The following LRRC1 variants were observed in gnomAD, a reference collection of about 807,000 sequenced individuals.
LRRC1 encodes the protein leucine rich repeat containing 1, also known as leucine-rich repeat-containing protein 1.
Under a neutral mutation model 69.9 loss-of-function variants are expected in LRRC1, and 28 were observed. That is an observed-to-expected ratio of 0.40 (90% CI 0.30 to 0.55). LRRC1 has a LOEUF of 0.55. Ranked by LOEUF, LRRC1 falls within the 20% of genes least tolerant of loss-of-function variation. The pLI, the probability that LRRC1 is intolerant of heterozygous loss-of-function variation, is 0.47. For synonymous variants in LRRC1, 236 were observed against 240.2 expected (o/e 0.98, Z 0.16); for missense variants, 498 against 609.0 (o/e 0.82, Z 1.92).
intron 4 of LRRC1, among the ~76,000 whole-genome samples, chr6:53,894,356 C>G (rs887191486): frequency 3.3e-5 from 5 of 152,154 alleles, no homozygotes; most frequent in African/African-American, 9.7e-5. Context: ...TGGCTCTGGT[C>G]TATGTTTCAG....
chr6:53,850,251 CA>C (rs1453451068), intron 2 of LRRC1, among the ~76,000 whole-genome samples: 1 of 152,030 alleles, frequency 6.6e-6, no homozygotes, highest in African/African-American at 2.4e-5. Flanking sequence ...TAACTAGGAT[CA>C]GTAGCAACTG....
intron 2 of LRRC1, among the ~76,000 whole-genome samples, chr6:53,871,352 C>T (rs939104159): frequency 5.3e-5 from 8 of 152,100 alleles, no homozygotes; most frequent in African/African-American, 9.7e-5. Flanking sequence ...GATGATATCT[C>T]ATTGTGGTTT....
intron 4 of LRRC1, among the ~76,000 whole-genome samples, chr6:53,886,295 A>G (rs372430741): frequency 7.6e-4 from 116 of 152,202 alleles, no homozygotes; most frequent in African/African-American, 2.7e-3. Context: ...AAAAACATCA[A>G]ACTTCCAAGC....
intron 1 of LRRC1, among the ~76,000 whole-genome samples, chr6:53,822,781 G>A (rs999149149): frequency 6.6e-6 from 1 of 152,122 alleles, no homozygotes; most frequent in Non-Finnish European, 1.5e-5. Context: ...ATAATGTGGG[G>A]GAAGAACAGC....
chr6:53,838,417 G>A (rs1017270044), intron 1 of LRRC1, among the ~76,000 whole-genome samples: 7 of 152,186 alleles, frequency 4.6e-5, no homozygotes, highest in Admixed American at 2.6e-4. Flanking sequence ...GTAGGTTATC[G>A]TTTCCACAGA....
intron 2 of LRRC1, among the ~76,000 whole-genome samples, chr6:53,852,604 G>A (rs1766174608): frequency 6.6e-6 from 1 of 152,210 alleles, no homozygotes; most frequent in Non-Finnish European, 1.5e-5. Context: ...CTCCTAGTTA[G>A]TGATGGACCT....
intron 3 of LRRC1, among the ~76,000 whole-genome samples, chr6:53,879,665 C>G (rs1385064181): frequency 6.6e-6 from 1 of 152,120 alleles, no homozygotes; most frequent in Non-Finnish European, 1.5e-5. Context: ...CCCATATCAA[C>G]ATCACTATTT....
At chr6:53,920,800 A>G (rs755748906) in intron 13 of LRRC1, 39 bp downstream of exon 13, 1 of 1,609,872 alleles carries the variant, frequency 6.2e-7, no homozygotes, top group East Asian at 2.2e-5. Context: ...TGGAAGTTCA[A>G]AATTAAAAGA....
rs532887971 is a variant in LRRC1, at chr6:53,867,155, C to T, written c.278-11838C>T. On this transcript the variant is annotated intron_variant, in intron 2 of 13. Coordinates refer to ENST00000370888, the MANE Select transcript of LRRC1 (RefSeq NM_018214.5). ...CATTGGGTGCCTCAGTTTGCTGATT[C>T]GGAGAATGGAGATGATAGTAATAGT... Among the ~76,000 whole-genome samples the T allele has an allele frequency of 3.3e-4, 50 of 152,028 alleles. 1 individual carries two copies. Among genetic ancestry groups the T allele is most frequent in the Admixed American group, 2.2e-3 (34 of 15,284 alleles).
chr6:53,817,993 A>C (rs1310052476), intron 1 of LRRC1, among the ~76,000 whole-genome samples: 1 of 152,228 alleles, frequency 6.6e-6, no homozygotes, highest in African/African-American at 2.4e-5. Flanking sequence ...TATGTTTTGC[A>C]TGTGTAATGT....
intron 2 of LRRC1, among the ~76,000 whole-genome samples, chr6:53,872,173 C>T (rs1032052428): frequency 5.9e-5 from 9 of 152,036 alleles, no homozygotes; most frequent in Admixed American, 3.3e-4. Flanking sequence ...TGTGGATATC[C>T]GGTTTTTCCA....
intron 3 of LRRC1, among the ~76,000 whole-genome samples, chr6:53,882,341 C>G (rs1164470197): frequency 6.6e-6 from 1 of 152,060 alleles, no homozygotes; most frequent in African/African-American, 2.4e-5. Context: ...GAGTGAGACT[C>G]CATCTCAAAA....
chr6:53,872,752 C>CTTTT (rs537186693), intron 2 of LRRC1, among the ~76,000 whole-genome samples: 25 of 106,362 alleles, frequency 2.4e-4, no homozygotes, highest in African/African-American at 5.1e-4. Context: ...TTTCTTTTCT[C>CTTTT]TTTTTTTTTT....
rs375014557 is a variant in LRRC1, at chr6:53,919,690, A to G, written c.1279+20A>G. ...GTCAAGGTGAATTTAATTTAAGGAC[A>G]GTATTCACAGGGCCACGAGATTGAG... On this transcript the variant is annotated intron_variant, in intron 12 of 13. Transcript: ENST00000370888. The G allele has an allele frequency of 2.1e-5, 34 of 1,607,480 alleles. No individual in the cohort carries two copies. The highest frequency in any genetic ancestry group is 2.5e-6 in the Non-Finnish European group (3 of 1,176,500).
intron 2 of LRRC1, among the ~76,000 whole-genome samples, chr6:53,851,691 A>T (rs1210244985): frequency 6.6e-6 from 1 of 152,144 alleles, no homozygotes. Flanking sequence ...ACACCTAGTA[A>T]ACATAGATAC....
At chr6:53,854,149 C>T (rs1766236147) in intron 2 of LRRC1, among the ~76,000 whole-genome samples, 1 of 152,194 alleles carries the variant, frequency 6.6e-6, no homozygotes, top group South Asian at 2.1e-4. Context: ...TGGTAGTGTA[C>T]TACACGAGGC....
intron 1 of LRRC1, among the ~76,000 whole-genome samples, chr6:53,820,189 A>T (rs1417346566): frequency 2.0e-5 from 3 of 151,964 alleles, no homozygotes; most frequent in Non-Finnish European, 4.4e-5. Flanking sequence ...AGTTTCAGGA[A>T]CCCTGAAAAT....
In LRRC1 at chr6:53,922,768, T is replaced by C. The variant is rs1768777199; in HGVS notation, c.1550T>C (p.Ile517Thr). The C allele has an allele frequency of 6.2e-7, 1 of 1,614,044 alleles. No homozygotes were observed. Among genetic ancestry groups the C allele is most frequent in the Non-Finnish European group, 8.5e-7 (1 of 1,179,930 alleles). ...AACAAAAACGAGGTCAATCATGCCATTGACCGAGTGACCACTTCTGTGTAG... is the reference window on the plus strand; with the variant it reads ...AACAAAAACGAGGTCAATCATGCCACTGACCGAGTGACCACTTCTGTGTAG... ...DSNKNEVNHAIDRVTTSV is the reference protein window; with the variant it reads ...DSNKNEVNHATDRVTTSV The change falls in exon 14 of 14, where the codon ATT (isoleucine) becomes ACT (threonine). Residue 517 changes from isoleucine (I) to threonine (T), a missense_variant. Ile to Thr is a moderately conservative substitution (Grantham distance 89, BLOSUM62 -1). Transcript: ENST00000370888.
chr6:53,905,356 TGAAAAG>T (rs1395458581), intron 10 of LRRC1: 4 of 124,980 alleles, frequency 3.2e-5, no homozygotes, highest in Non-Finnish European at 6.8e-5. Context: ...AAAAAAAAAA[TGAAAAG>T]AGAAAAAGAA....
Sources: allele counts gnomAD v4.1 joint callset (sites outside exome capture counted in the v4.1 genomes callset), GRCh38; gene constraint gnomAD v4.1.1; transcripts MANE v1.5; gene names NCBI Gene and HGNC (gene_info 2026-07-23, HGNC 2026-07-21).